Variants in ANKRD36B observed in about 807,000 individuals in gnomAD.
ANKRD36B encodes the protein ankyrin repeat domain-containing protein 36B.
Under a neutral mutation model 135.7 loss-of-function variants are expected in ANKRD36B, and 37 were observed. The observed-to-expected ratio is 0.27, with a 90% CI of 0.21 to 0.36. The LOEUF is 0.36. Among genes scored for constraint, ANKRD36B ranks in the 10% least tolerant of loss-of-function variants. The probability of loss-of-function intolerance (pLI) is 1.00; values close to 1 mark genes in which losing one functional copy is unlikely to be tolerated. For synonymous variants in ANKRD36B, 179 were observed against 348.1 expected (o/e 0.51, Z 5.41); for missense variants, 549 against 1,037.1 (o/e 0.53, Z 6.46).
At chr2:97,577,900 C>T (rs950021920) in intron 5 of ANKRD36B, among the ~76,000 whole-genome samples, 2 of 151,830 alleles carry the variant, frequency 1.3e-5, no homozygotes, top group Admixed American at 1.3e-4. Flanking sequence ...AAAGCTCTTA[C>T]GCTGTTTATA....
intron 1 of ANKRD36B, among the ~76,000 whole-genome samples, chr2:97,588,577 A>T (rs1402624885): frequency 1.3e-5 from 2 of 152,034 alleles, no homozygotes; most frequent in Non-Finnish European, 2.9e-5. Flanking sequence ...AGTAAAAGAC[A>T]GCATGAGTAA....
At chr2:97,530,808 C>T (rs2078537245) in intron 35 of ANKRD36B, among the ~76,000 whole-genome samples, 1 of 97,780 alleles carries the variant, frequency 1.0e-5, no homozygotes, top group African/African-American at 3.1e-5. Flanking sequence ...TGAAAAAATG[C>T]TCATCATCAC....
intron 6 of ANKRD36B, among the ~76,000 whole-genome samples, chr2:97,564,158 C>CT (rs963841426): frequency 1.3e-5 from 2 of 151,466 alleles, no homozygotes; most frequent in African/African-American, 2.4e-5. Context: ...ATTTCTTTTG[C>CT]TTTTTTTAAA....
At position 97,524,262 on chromosome 2, in the gene ANKRD36B, G is replaced by C. The variant is rs2078074903; in HGVS notation, c.2266-795C>G. 3.3e-5 allele frequency: 3 copies of C among 91,628 alleles called. 1 individual carries two copies. The Middle Eastern group carries it at 0.016, about 482-fold the overall frequency. 5.7% of individuals were successfully genotyped at this position (91,628 alleles called of 1,614,324 possible). On this transcript the variant is annotated intron_variant, in intron 35 of 43. Transcript: ENST00000359901. Reference sequence around the variant, plus strand: ...AAAAGGCTTTTTGAATCACTAAATTGAGGCATATGTCCGATGTTTAATTTC... The same window carrying C: ...AAAAGGCTTTTTGAATCACTAAATTCAGGCATATGTCCGATGTTTAATTTC...
intron 43 of ANKRD36B, among the ~76,000 whole-genome samples, chr2:97,496,807 ATGTG>A (rs1354892604): frequency 1.3e-5 from 1 of 74,192 alleles, no homozygotes; most frequent in East Asian, 2.6e-4. Flanking sequence ...GTATACGTGT[ATGTG>A]TGTGTATGTA....
intron 5 of ANKRD36B, among the ~76,000 whole-genome samples, chr2:97,577,928 C>T (rs1301648752): frequency 6.6e-5 from 10 of 151,774 alleles, no homozygotes; most frequent in African/African-American, 2.4e-4. Context: ...TCTCAGGGTA[C>T]AGATCTGGTA....
chr2:97,570,283 T>G (rs1559218121), intron 6 of ANKRD36B, among the ~76,000 whole-genome samples: 1 of 152,124 alleles, frequency 6.6e-6, no homozygotes, highest in African/African-American at 2.4e-5. Context: ...TTAAGACACC[T>G]AAAATTAAGT....
Position 97,555,047 on chromosome 2 carries a change from T to C in ANKRD36B, c.1171+13A>G, listed in dbSNP as rs748512141. 28 of 1,611,222 alleles carry C rather than the reference T, an allele frequency of 1.7e-5. 1 individual carries two copies. The Admixed American group carries it at 4.7e-4, about 27-fold the overall frequency. ...GGACTGAACATGACATTAAATGTGT[T>C]TTGCAAAATTACCTGTCCCACATTG... On this transcript the variant is annotated intron_variant, in intron 14 of 43. Transcript: ENST00000359901.
At chr2:97,559,101 T>C in intron 8 of ANKRD36B, 107 bp from the exon 9 acceptor site, 2 of 1,463,286 alleles carry the variant, frequency 1.4e-6, no homozygotes, top group Non-Finnish European at 9.1e-7. Flanking sequence ...CCTGTACTAG[T>C]GTAGGCTTTG....
intron 6 of ANKRD36B, among the ~76,000 whole-genome samples, chr2:97,575,781 A>G (rs975992047): frequency 6.6e-6 from 1 of 152,094 alleles, no homozygotes; most frequent in African/African-American, 2.4e-5. Flanking sequence ...TTTACCGTGG[A>G]TGGGTGAACA....
At chr2:97,545,213 C>T (rs1422403889) in intron 24 of ANKRD36B, among the ~76,000 whole-genome samples, 1 of 95,920 alleles carries the variant, frequency 1.0e-5, no homozygotes, top group East Asian at 2.3e-4. Flanking sequence ...ATCCCTATTC[C>T]TTGAGGAAAA....
chr2:97,533,889 C>T (rs373651864), intron 34 of ANKRD36B, among the ~76,000 whole-genome samples: 1 of 94,652 alleles, frequency 1.1e-5, no homozygotes, highest in South Asian at 2.4e-4. Flanking sequence ...AACCCCATCT[C>T]TACTCAAAAT....
intron 4 of ANKRD36B, among the ~76,000 whole-genome samples, chr2:97,579,678 GTATATAT>G (rs1268769376): frequency 3.9e-5 from 5 of 129,710 alleles, no homozygotes; most frequent in African/African-American, 8.4e-5. Context: ...AATATATATT[GTATATAT>G]TATATATTAT....
At chr2:97,558,604 T>C (rs2080740873) in intron 10 of ANKRD36B, among the ~76,000 whole-genome samples, 195 bp downstream of exon 10, 1 of 151,938 alleles carries the variant, frequency 6.6e-6, no homozygotes, top group South Asian at 2.1e-4. Context: ...AATTTCAATG[T>C]GAGGAAGTCT....
chr2:97,540,251 T>C (rs760510800), intron 28 of ANKRD36B, 22 bp from the exon 29 acceptor site: 1 of 966,172 alleles, frequency 1.0e-6, no homozygotes, highest in South Asian at 1.2e-5. Flanking sequence ...AAGGGATACA[T>C]AATCACCCAC....
intron 10 of ANKRD36B, among the ~76,000 whole-genome samples, chr2:97,557,608 C>T (rs993417389): frequency 6.6e-6 from 1 of 151,918 alleles, no homozygotes; most frequent in African/African-American, 2.4e-5. Flanking sequence ...GACAATGACA[C>T]TTTAGTAGAA....
Position 97,534,625 on chromosome 2 carries a change from G to T in ANKRD36B, c.2191+1675C>A. Among the ~76,000 whole-genome samples the T allele has an allele frequency of 2.1e-5, 2 of 96,864 alleles. 1 individual carries two copies. The allele number at this position is 96,864 out of a possible 152,430, so 63.5% of individuals were successfully genotyped here. ...CAGAAATGCAAATCAAAGCTACAAT[G>T]AGGTATCATCTCACCTCAGTTAAAA... On this transcript the variant is annotated intron_variant, in intron 34 of 43. Transcript: ENST00000359901.
At chr2:97,559,376 G>C (rs1006165145) in intron 8 of ANKRD36B, among the ~76,000 whole-genome samples, 5 of 151,822 alleles carry the variant, frequency 3.3e-5, no homozygotes, top group Admixed American at 2.6e-4. Context: ...GAAATCAGAA[G>C]GATTTACACC....
intron 6 of ANKRD36B, among the ~76,000 whole-genome samples, chr2:97,574,523 G>A (rs2082101684): frequency 1.3e-5 from 2 of 152,192 alleles, no homozygotes; most frequent in East Asian, 1.9e-4. Flanking sequence ...ATTTGACCCA[G>A]CCATCCCGTT....
Sources: gnomAD v4.1 joint callset for allele counts (sites outside exome capture counted in the v4.1 genomes callset) on GRCh38, gnomAD v4.1.1 for gene constraint, MANE v1.5 for transcripts, NCBI Gene and HGNC (gene_info 2026-07-23, HGNC 2026-07-21) for gene names.